The following ARID1B variants were observed in gnomAD, a reference collection of about 807,000 sequenced individuals.
The protein encoded by ARID1B is AT-rich interactive domain-containing protein 1B.
ARID1B carries 30 observed loss-of-function variants against 212.3 expected under a neutral mutation model. That is an observed-to-expected ratio of 0.14 (90% CI 0.11 to 0.19). The LOEUF is 0.19. Ranked by LOEUF, ARID1B falls within the 10% of genes least tolerant of loss-of-function variation. The pLI, the probability that ARID1B is intolerant of heterozygous loss-of-function variation, is 1.00. For synonymous variants in ARID1B, 1,402 were observed against 1,301.7 expected (o/e 1.08, Z -1.66); for missense variants, 2,891 against 3,204.0 (o/e 0.90, Z 2.36).
At chr6:157,073,890 A>G (rs1317308322) in intron 4 of ARID1B, among the ~76,000 whole-genome samples, 2 of 152,228 alleles carry the variant, frequency 1.3e-5, no homozygotes, top group East Asian at 1.9e-4. Context: ...AACTCTCTCA[A>G]CACTGTGAGT....
At chr6:157,191,039 TATTGATGAATCTGG>T (rs1793330788) in intron 15 of ARID1B, among the ~76,000 whole-genome samples, 1 of 151,664 alleles carries the variant, frequency 6.6e-6, no homozygotes. Flanking sequence ...TCTGTGGGCG[TATTGATGAATCTGG>T]ATTTTTCCCC....
chr6:156,781,611 C>T (rs375678836), intron 1 of ARID1B, among the ~76,000 whole-genome samples: 1 of 152,072 alleles, frequency 6.6e-6, no homozygotes, highest in Non-Finnish European at 1.5e-5. Flanking sequence ...ACACTGCTGT[C>T]CACTGCTTTC....
intron 4 of ARID1B, among the ~76,000 whole-genome samples, chr6:157,016,278 T>G (rs989970796): frequency 3.3e-5 from 5 of 152,186 alleles, no homozygotes; most frequent in African/African-American, 1.2e-4. Context: ...AATTTTAAAC[T>G]TCAATACTCA....
chr6:157,195,405 C>T (rs1362877674), intron 15 of ARID1B: 1 of 152,276 alleles, frequency 6.6e-6, no homozygotes, highest in Non-Finnish European at 1.5e-5. Context: ...CACAGCATGC[C>T]AGTTGCTTCT....
chr6:157,078,545 T>G (rs1784445597), intron 4 of ARID1B, among the ~76,000 whole-genome samples: 1 of 152,150 alleles, frequency 6.6e-6, no homozygotes, highest in South Asian at 2.1e-4. Context: ...TGAGACTATT[T>G]TAGGAACCCC....
intron 4 of ARID1B, among the ~76,000 whole-genome samples, chr6:157,016,216 C>T (rs1258838188): frequency 6.6e-6 from 1 of 152,156 alleles, no homozygotes; most frequent in Non-Finnish European, 1.5e-5. Context: ...ATCACTGATA[C>T]ATTTATATGC....
Position 156,999,609 on chromosome 6 carries a change from G to A in ARID1B, c.2247+64033G>A, listed in dbSNP as rs79228118. On this transcript the variant is annotated intron_variant, in intron 4 of 19. Coordinates refer to ENST00000636930, the MANE Select transcript of ARID1B (RefSeq NM_001374828.1). ...AGCCTTAAGAAACACAGGCAGCAGG[G>A]TGGTCTGTTAGGAAGCGTGTGTGTT... Among the ~76,000 whole-genome samples the A allele has an allele frequency of 3.8e-4, 58 of 152,336 alleles. No homozygotes were observed. The East Asian group carries it at 0.011, about 29-fold the overall frequency.
chr6:156,788,942 T>C (rs755327779), intron 1 of ARID1B, among the ~76,000 whole-genome samples: 2 of 152,212 alleles, frequency 1.3e-5, no homozygotes, highest in Non-Finnish European at 2.9e-5. Context: ...CCAGGTGTAT[T>C]ATCATAGACT....
chr6:157,168,136 C>G (rs1031142229), intron 9 of ARID1B: 1 of 152,196 alleles, frequency 6.6e-6, no homozygotes, highest in African/African-American at 2.4e-5. Context: ...TTTCTGGCCT[C>G]TCTGTCTTTG....
chr6:157,042,099 A>G (rs186306910), intron 4 of ARID1B, among the ~76,000 whole-genome samples: 164 of 152,262 alleles, frequency 1.1e-3, no homozygotes, highest in Middle Eastern at 3.4e-3. Context: ...CCTCTCTGCT[A>G]CATAAGCCGC....
chr6:157,157,316 C>T (rs1790642310), intron 8 of ARID1B, among the ~76,000 whole-genome samples: 1 of 152,190 alleles, frequency 6.6e-6, no homozygotes, highest in Admixed American at 6.5e-5. Context: ...CATTAAAGCG[C>T]ACCCATCACT....
rs376495346 is a variant in ARID1B, at chr6:157,206,398, G to C, written c.5626G>C (p.Glu1876Gln). Residue 1876 changes from glutamate to glutamine, a missense_variant, in exon 20 of 20, where the codon GAG (glutamate) becomes CAG (glutamine). Around this residue, in one of 7 missense-constraint regions of ARID1B, gnomAD observed 332 missense variants for 369.2 expected, o/e 0.90. Transcript: ENST00000636930. This position sits in a 1 kb window ranked among gnomAD's most constrained non-coding sequence, Gnocchi z 6.8. The stretch of plus-strand genomic sequence containing the variant: ...CGAGGAGGATGAGGAGGAAGACAGC[G>C]AGAAGACAGAAAGCGATGAAAAGAG... ...EDEEDEEEDSEKTESDEKSSI... is the reference protein window; with the variant it reads ...EDEEDEEEDSQKTESDEKSSI... 1 of 1,614,026 alleles carries C rather than the reference G, an allele frequency of 6.2e-7. No homozygotes were observed. The highest frequency in any genetic ancestry group is 1.7e-5 in the Admixed American group (1 of 60,006).
intron 1 of ARID1B, among the ~76,000 whole-genome samples, chr6:156,801,409 T>C (rs1028736986): frequency 6.6e-6 from 1 of 151,882 alleles, no homozygotes; most frequent in South Asian, 2.1e-4. Context: ...TCATCTTGGC[T>C]GGGCTGGTCT....
intron 5 of ARID1B, among the ~76,000 whole-genome samples, chr6:157,085,565 T>G (rs1395057471): frequency 6.6e-6 from 1 of 152,220 alleles, no homozygotes; most frequent in Non-Finnish European, 1.5e-5. Flanking sequence ...CTCATCCAGC[T>G]TTCTTATATC....
chr6:156,942,635 C>T (rs2128288532), intron 4 of ARID1B: 1 of 151,994 alleles, frequency 6.6e-6, no homozygotes, highest in East Asian at 1.9e-4. Flanking sequence ...AAAAAAAACA[C>T]ATGACTCTAA....
At chr6:157,081,267 G>C (rs1272816791) in intron 4 of ARID1B, among the ~76,000 whole-genome samples, 1 of 152,202 alleles carries the variant, frequency 6.6e-6, no homozygotes, top group Admixed American at 6.5e-5. Context: ...TCATAGATCT[G>C]ATAGTACTTA....
chr6:157,172,996 C>G (rs566634989), intron 9 of ARID1B: 1 of 152,324 alleles, frequency 6.6e-6, no homozygotes, highest in South Asian at 2.1e-4. Context: ...CTCCTTCCCT[C>G]TCTTCCTCAC....
chr6:157,008,519 A>G (rs1779375746), intron 4 of ARID1B, among the ~76,000 whole-genome samples: 1 of 152,210 alleles, frequency 6.6e-6, no homozygotes, highest in Non-Finnish European at 1.5e-5. Flanking sequence ...GTTAAAAAAC[A>G]TGGATTTGCA....
At chr6:157,121,630 T>TTTC (rs72290271) in intron 6 of ARID1B, among the ~76,000 whole-genome samples, 4 of 46,602 alleles carry the variant, frequency 8.6e-5, no homozygotes, top group African/African-American at 7.2e-4. Context: ...CATATATAGC[T>TTTC]TTTTTTTTTT....
Sources: gnomAD v4.1 joint callset for allele counts (sites outside exome capture counted in the v4.1 genomes callset) on GRCh38, gnomAD v4.1.1 for gene constraint, gnomAD v4.1.1 regional missense constraint, Gnocchi (gnomAD v3.1) non-coding constraint, MANE v1.5 for transcripts, NCBI Gene and HGNC (gene_info 2026-07-23, HGNC 2026-07-21) for gene names.